Variants in TENM2 observed in about 807,000 individuals in gnomAD.
TENM2 encodes the protein teneurin-2.
A neutral mutation model predicts 245.2 loss-of-function variants in TENM2; 52 were observed. That is an observed-to-expected ratio of 0.21 (90% CI 0.17 to 0.27). TENM2 has a LOEUF of 0.27. TENM2 is among the 10% of genes least tolerant of loss of function. TENM2 has a pLI of 1.00. For synonymous variants in TENM2, 1,363 were observed against 1,438.9 expected, an observed-to-expected ratio of 0.95 and a Z score of 1.19; for missense variants, 3,046 against 3,666.8, an observed-to-expected ratio of 0.83 and a Z score of 4.37.
At chr5:167,622,517 A>C (rs1398926753) in intron 2 of TENM2, among the ~76,000 whole-genome samples, 1 of 152,176 alleles carries the variant, frequency 6.6e-6, no homozygotes. Context: ...AAGAATACAT[A>C]GAATATTAAA....
At chr5:168,061,968 C>CAA in intron 6 of TENM2, 92 bp from the exon 9 acceptor site, 4 of 1,137,648 alleles carry the variant, frequency 3.5e-6, no homozygotes, top group South Asian at 3.4e-5. Flanking sequence ...AAAACAACAA[C>CAA]AAAAAAAAAC....
intron 4 of TENM2, chr5:167,965,643 G>A (rs1275036202): frequency 6.6e-6 from 1 of 152,022 alleles, no homozygotes; most frequent in Admixed American, 6.6e-5. Context: ...CAATCATATA[G>A]GCCTGTGAAT....
chr5:167,552,805 CTA>C (rs1321313727), intron 2 of TENM2, among the ~76,000 whole-genome samples: 1 of 152,148 alleles, frequency 6.6e-6, no homozygotes, highest in African/African-American at 2.4e-5. Flanking sequence ...CTTAAACATC[CTA>C]ATGGCATTGC....
At chr5:168,224,532 G>GTCTT (rs1251587430) in intron 23 of TENM2, among the ~76,000 whole-genome samples, 1 of 152,162 alleles carries the variant, frequency 6.6e-6, no homozygotes, top group Admixed American at 6.5e-5. Flanking sequence ...AGTGCTCTCT[G>GTCTT]TCTTTGATGT....
chr5:168,162,997 C>T (rs551185624), intron 13 of TENM2, among the ~76,000 whole-genome samples: 2 of 152,328 alleles, frequency 1.3e-5, no homozygotes, highest in Admixed American at 1.3e-4. Flanking sequence ...TGCCCATTGC[C>T]ACATAAAGGT....
intron 2 of TENM2, among the ~76,000 whole-genome samples, chr5:167,644,629 A>G (rs1396687447): frequency 1.3e-5 from 2 of 152,180 alleles, no homozygotes; most frequent in Non-Finnish European, 2.9e-5. Context: ...CATTGTTCCC[A>G]TATGGCAGAT....
chr5:166,979,786 G>C, the TENM2 span, among the ~76,000 whole-genome samples: 2 of 152,118 alleles, frequency 1.3e-5, no homozygotes, highest in African/African-American at 4.8e-5. Flanking sequence ...GAGTTTCAGG[G>C]GGGGAGGGGA....
intron 25 of TENM2, among the ~76,000 whole-genome samples, chr5:168,228,369 G>A (rs1026952272): frequency 8.5e-5 from 13 of 152,166 alleles, no homozygotes; most frequent in Non-Finnish European, 1.6e-4. Flanking sequence ...TGGGAAAAAC[G>A]TTCTCCATTT....
intron 2 of TENM2, among the ~76,000 whole-genome samples, chr5:167,847,958 C>A (rs2151191896): frequency 1.3e-5 from 2 of 152,270 alleles, no homozygotes; most frequent in South Asian, 4.2e-4. Context: ...CTTTAGATTT[C>A]AGTTTGGGTA....
At chr5:167,391,647 A>AAAAAAAAAAAAAAAAAT (rs70976420) in intron 2 of TENM2, among the ~76,000 whole-genome samples, 3 of 126,838 alleles carry the variant, frequency 2.4e-5, no homozygotes, top group African/African-American at 3.3e-5. Context: ...AAAAAAAAAA[A>AAAAAAAAAAAAAAAAAT]GCACTCTCAA....
chr5:167,079,087 C>A, the TENM2 span, among the ~76,000 whole-genome samples: 3 of 151,932 alleles, frequency 2.0e-5, no homozygotes, highest in Non-Finnish European at 2.9e-5. Context: ...AATATTTTGG[C>A]CCTCTGCACA....
chr5:167,343,257 C>T (rs1000150467), intron 1 of TENM2, among the ~76,000 whole-genome samples: 2 of 152,074 alleles, frequency 1.3e-5, no homozygotes, highest in African/African-American at 4.8e-5. Context: ...TTGTCCCTAT[C>T]CCTAGAATCA....
intron 4 of TENM2, among the ~76,000 whole-genome samples, chr5:167,971,190 TAGAGATAGAGAC>T (rs906201848): frequency 4.7e-5 from 7 of 150,192 alleles, no homozygotes; most frequent in African/African-American, 1.7e-4. Context: ...ATAGAGATGA[TAGAGATAGAGAC>T]AGAGATAGAG....
intron 12 of TENM2, among the ~76,000 whole-genome samples, chr5:168,135,014 T>C (rs1754922423): frequency 6.6e-6 from 1 of 152,220 alleles, no homozygotes; most frequent in Non-Finnish European, 1.5e-5. Flanking sequence ...TCTTACTTCT[T>C]TTCATTCCTC....
intron 2 of TENM2, among the ~76,000 whole-genome samples, chr5:167,489,783 CTA>C (rs1488583100): frequency 2.0e-5 from 3 of 152,124 alleles, no homozygotes; most frequent in African/African-American, 7.2e-5. Flanking sequence ...TGCCATTATA[CTA>C]TATATGTTAT....
At chr5:168,158,392 A>G (rs2152439640) in intron 12 of TENM2, among the ~76,000 whole-genome samples, 1 of 152,198 alleles carries the variant, frequency 6.6e-6, no homozygotes, top group South Asian at 2.1e-4. Context: ...AAGATATAGT[A>G]CGCCCCGATT....
chr5:167,255,777 T>C, the TENM2 span, among the ~76,000 whole-genome samples: 2 of 152,154 alleles, frequency 1.3e-5, no homozygotes, highest in Non-Finnish European at 2.9e-5. Context: ...CTGGTTTGCA[T>C]GGAACAGTAG....
At chr5:167,649,945 A>T (rs77360752) in intron 2 of TENM2, among the ~76,000 whole-genome samples, 5,273 of 152,298 alleles carry the variant, frequency 0.035, 177 homozygotes, top group East Asian at 0.19. Flanking sequence ...AAAGCATGCA[A>T]ACATTGAGAC....
the TENM2 span, among the ~76,000 whole-genome samples, chr5:167,131,374 C>G: frequency 1.3e-5 from 2 of 152,086 alleles, no homozygotes; most frequent in African/African-American, 4.8e-5. Context: ...ACTGTAGGAC[C>G]TGGTGAGGAA....
Sources: gnomAD v4.1 joint callset for allele counts (sites outside exome capture counted in the v4.1 genomes callset) on GRCh38, gnomAD v4.1.1 for gene constraint, MANE v1.5 for transcripts, NCBI Gene and HGNC (gene_info 2026-07-23, HGNC 2026-07-21) for gene names.